CELF2: variants seen among roughly 807,000 people sequenced by gnomAD.
The protein encoded by CELF2 is CUGBP Elav-like family member 2.
Under a neutral mutation model 62.6 loss-of-function variants are expected in CELF2, and 8 were observed. The ratio of observed to expected loss-of-function variants is 0.13; its 90% CI spans 0.07 to 0.23. The LOEUF is 0.23. CELF2 is among the 10% of genes least tolerant of loss of function. CELF2 has a pLI of 1.00. For missense variants in CELF2, 333 were observed against 671.0 expected (o/e 0.50, Z 5.56); for synonymous variants, 258 against 250.0 (o/e 1.03, Z -0.30).
chr10:10,485,102 T>C, the CELF2 span, among the ~76,000 whole-genome samples: 1 of 152,076 alleles, frequency 6.6e-6, no homozygotes, highest in African/African-American at 2.4e-5. Flanking sequence ...CCAAGGGGAT[T>C]GGCCTTACAG....
intron 1 of CELF2, among the ~76,000 whole-genome samples, chr10:11,111,693 G>C (rs925702505): frequency 2.0e-5 from 3 of 152,218 alleles, no homozygotes; most frequent in Non-Finnish European, 4.4e-5. Context: ...AAATACGATT[G>C]AAATCATGTG....
intron 3 of CELF2, among the ~76,000 whole-genome samples, chr10:11,229,410 T>C (rs989541452): frequency 4.6e-5 from 7 of 152,194 alleles, no homozygotes; most frequent in African/African-American, 9.7e-5. Context: ...GATGAACTTA[T>C]AAAGAACCGA....
intron 1 of CELF2, among the ~76,000 whole-genome samples, chr10:10,864,092 T>A (rs1314702780): frequency 6.6e-6 from 1 of 152,176 alleles, no homozygotes; most frequent in African/African-American, 2.4e-5. Context: ...AATTAGCATA[T>A]AATAAGGGCT....
the CELF2 span, among the ~76,000 whole-genome samples, chr10:10,609,442 G>A: frequency 1.3e-5 from 2 of 150,908 alleles, no homozygotes; most frequent in East Asian, 2.0e-4. Context: ...AAGATTTCCC[G>A]AATACCACCG....
the CELF2 span, among the ~76,000 whole-genome samples, chr10:10,771,940 C>T: frequency 2.6e-5 from 4 of 152,288 alleles, no homozygotes; most frequent in East Asian, 1.9e-4. Context: ...AATATATAGA[C>T]GTCGGGCAAG....
At chr10:10,732,616 C>T in the CELF2 span, among the ~76,000 whole-genome samples, 34 of 151,326 alleles carry the variant, frequency 2.2e-4, no homozygotes, top group African/African-American at 7.0e-4. Context: ...CTCTGTCTCC[C>T]GGGTTCAAGC....
intron 3 of CELF2, among the ~76,000 whole-genome samples, chr10:11,239,725 C>T (rs1220626597): frequency 6.6e-6 from 1 of 151,852 alleles, no homozygotes. Context: ...TTTAAACTGG[C>T]TTAGATCACT....
chr10:10,525,231 C>A, the CELF2 span, among the ~76,000 whole-genome samples: 1 of 152,202 alleles, frequency 6.6e-6, no homozygotes, highest in Non-Finnish European at 1.5e-5. Context: ...CTCCACAGTT[C>A]ATTCTTCCTG....
chr10:11,280,989 C>CGTGTGTGTGTGTGTGTGTGCGTGTGT lies in CELF2; in HGVS notation c.841+5888_841+5889insCGTGTGTGTGTGTGTGTGTGTGTGTG, dbSNP rs2088386006. Among the ~76,000 whole-genome samples, 1 of 144,400 alleles carries CGTGTGTGTGTGTGTGTGTGCGTGTGT rather than the reference C, an allele frequency of 6.9e-6. No homozygotes were observed. The highest frequency in any genetic ancestry group is 2.1e-4 in the East Asian group (1 of 4,864). 94.7% of individuals were successfully genotyped at this position (144,400 alleles called of 152,430 possible). On this transcript the variant is annotated intron_variant, in intron 8 of 12. Coordinates refer to ENST00000633077, the MANE Select transcript of CELF2 (RefSeq NM_001326342.2). This position sits in a 1 kb window ranked among gnomAD's most constrained non-coding sequence, Gnocchi z 7.6. Reference sequence around the variant, plus strand: ...TGGCGTGCGTGTGCATGCCTGTGTGCGTGTGTGTGTGTGTGTGTGTGTGTG... The same window carrying CGTGTGTGTGTGTGTGTGTGCGTGTGT: ...TGGCGTGCGTGTGCATGCCTGTGTGCGTGTGTGTGTGTGTGTGTGCGTGTGTGTGTGTGTGTGTGTGTGTGTGTGTG...
At position 11,306,080 on chromosome 10, in the gene CELF2, A is replaced by C. The variant is rs1171301623; in HGVS notation, c.977-8059A>C. On this transcript the variant is annotated intron_variant, in intron 9 of 12. Transcript: ENST00000633077. The surrounding 1 kb of genome is among the most constrained non-coding windows in gnomAD (Gnocchi z 4.4). ...ATTGATAGGTTTTAACCAGTGGTAC[A>C]ACAGGCTTAAAATGTGACGTATCCA... is the stretch of plus-strand genomic sequence containing the variant. Among the ~76,000 whole-genome samples, 3 of 152,200 alleles carry C rather than the reference A, an allele frequency of 2.0e-5. No homozygotes were observed. Among genetic ancestry groups the C allele is most frequent in the Non-Finnish European group, 4.4e-5 (3 of 68,038 alleles).
At chr10:11,199,813 A>G (rs1310712193) in intron 2 of CELF2, among the ~76,000 whole-genome samples, 1 of 152,232 alleles carries the variant, frequency 6.6e-6, no homozygotes, top group African/African-American at 2.4e-5. Flanking sequence ...TTAGCCTAGA[A>G]CAGGGATGTG....
At chr10:10,915,104 C>T (rs372601559) in intron 1 of CELF2, among the ~76,000 whole-genome samples, 10 of 146,032 alleles carry the variant, frequency 6.8e-5, no homozygotes, top group African/African-American at 2.3e-4. Context: ...TGCACTCCAG[C>T]GTGGGCGACA....
At chr10:10,858,177 A>G (rs1326772056) in intron 1 of CELF2, among the ~76,000 whole-genome samples, 4 of 152,114 alleles carry the variant, frequency 2.6e-5, no homozygotes, top group African/African-American at 7.2e-5. Flanking sequence ...TTATCAAAAT[A>G]TGATGAAAAC....
At chr10:11,142,864 T>G (rs2061587783) in intron 1 of CELF2, among the ~76,000 whole-genome samples, 1 of 152,064 alleles carries the variant, frequency 6.6e-6, no homozygotes, top group Admixed American at 6.5e-5. Context: ...AGGTCTGTCC[T>G]CCCTCCACTG....
intron 1 of CELF2, among the ~76,000 whole-genome samples, chr10:11,084,164 C>T (rs1281831615): frequency 1.3e-5 from 2 of 152,140 alleles, no homozygotes; most frequent in Non-Finnish European, 2.9e-5. Flanking sequence ...TGGATGTAAC[C>T]CCAAGAAGTA....
At chr10:11,131,832 G>T (rs1213620192) in intron 1 of CELF2, among the ~76,000 whole-genome samples, 2 of 152,196 alleles carry the variant, frequency 1.3e-5, no homozygotes, top group African/African-American at 4.8e-5. Context: ...TGACCCAGGG[G>T]TCTAGTATTG....
intron 1 of CELF2, among the ~76,000 whole-genome samples, chr10:11,094,032 A>C (rs2049075027): frequency 6.6e-6 from 1 of 152,236 alleles, no homozygotes; most frequent in Non-Finnish European, 1.5e-5. Flanking sequence ...AGTCGATATG[A>C]GTTCTCGGAG....
intron 2 of CELF2, among the ~76,000 whole-genome samples, chr10:10,942,443 C>G (rs1034761534): frequency 6.6e-6 from 1 of 152,208 alleles, no homozygotes; most frequent in African/African-American, 2.4e-5. Flanking sequence ...GGAATGAGGG[C>G]CTTAGTCCCT....
At chr10:10,871,020 G>A (rs557176681) in intron 1 of CELF2, among the ~76,000 whole-genome samples, 14 of 151,810 alleles carry the variant, frequency 9.2e-5, no homozygotes, top group African/African-American at 2.9e-4. Flanking sequence ...CTGCTGTTGC[G>A]CCATAAATAA....
Sources: allele counts gnomAD v4.1 joint callset (sites outside exome capture counted in the v4.1 genomes callset), GRCh38; gene constraint gnomAD v4.1.1; non-coding constraint Gnocchi (gnomAD v3.1); transcripts MANE v1.5; gene names NCBI Gene and HGNC (gene_info 2026-07-23, HGNC 2026-07-21).